The following TASP1 variants were observed in gnomAD, a reference collection of about 807,000 sequenced individuals.
TASP1 encodes taspase 1.
A neutral mutation model predicts 56.6 loss-of-function variants in TASP1; 16 were observed. The observed-to-expected ratio is 0.28, with a 90% CI of 0.19 to 0.43. The LOEUF (loss-of-function observed/expected upper bound fraction) is 0.43, where lower values mean the gene tolerates loss of function less well. Ranked by LOEUF, TASP1 falls within the 20% of genes least tolerant of loss-of-function variation. TASP1 has a pLI of 1.00. For missense variants in TASP1, 393 were observed against 511.6 expected, an observed-to-expected ratio of 0.77 and a Z score of 2.24; for synonymous variants, 179 against 184.2, an observed-to-expected ratio of 0.97 and a Z score of 0.23.
At chr20:13,527,502 A>T (rs2045027785) in intron 10 of TASP1, among the ~76,000 whole-genome samples, 1 of 152,176 alleles carries the variant, frequency 6.6e-6, no homozygotes, top group African/African-American at 2.4e-5. Flanking sequence ...ATAATGAGAA[A>T]AGGCTTCACG....
At chr20:13,374,170 A>T in the TASP1 span, among the ~76,000 whole-genome samples, 1 of 152,172 alleles carries the variant, frequency 6.6e-6, no homozygotes, top group Non-Finnish European at 1.5e-5. Context: ...AAGCATTTTT[A>T]AAAATTCTTT....
chr20:13,424,798 G>A (rs1292219075), intron 12 of TASP1, among the ~76,000 whole-genome samples: 2 of 152,148 alleles, frequency 1.3e-5, no homozygotes, highest in Non-Finnish European at 2.9e-5. Context: ...CCCAGACCAC[G>A]AAAAGATTCT....
chr20:13,555,611 G>A (rs956949935), intron 8 of TASP1, among the ~76,000 whole-genome samples: 1 of 151,978 alleles, frequency 6.6e-6, no homozygotes, highest in Non-Finnish European at 1.5e-5. Context: ...CATCCACAGC[G>A]ACTTCCTCCA....
At chr20:13,612,247 C>G (rs78607989) in intron 4 of TASP1, among the ~76,000 whole-genome samples, 4,750 of 152,236 alleles carry the variant, frequency 0.031, 105 homozygotes, top group South Asian at 0.047. Context: ...TGCATATCTT[C>G]TGATTATAAC....
the TASP1 span, among the ~76,000 whole-genome samples, chr20:13,163,094 G>A: frequency 0.24 from 35,735 of 152,036 alleles, 4,535 homozygotes; most frequent in South Asian, 0.44. Context: ...GAGGTCGGGC[G>A]CAGTGGCTCA....
chr20:13,109,594 T>C, the TASP1 span, among the ~76,000 whole-genome samples: 2 of 152,142 alleles, frequency 1.3e-5, no homozygotes, highest in Non-Finnish European at 2.9e-5. Flanking sequence ...CCAAATATTT[T>C]GAAAAAGAGG....
chr20:13,192,390 A>G, the TASP1 span, among the ~76,000 whole-genome samples: 1 of 152,174 alleles, frequency 6.6e-6, no homozygotes, highest in South Asian at 2.1e-4. Flanking sequence ...TTTAAAAAAC[A>G]TTAGCCCAGT....
chr20:13,117,971 A>T, the TASP1 span, among the ~76,000 whole-genome samples: 13 of 152,296 alleles, frequency 8.5e-5, no homozygotes, highest in South Asian at 2.7e-3. Context: ...CTGGCCGTGT[A>T]CATAAGATGC....
chr20:13,501,260 C>A (rs575250114), intron 10 of TASP1, among the ~76,000 whole-genome samples: 1 of 151,880 alleles, frequency 6.6e-6, no homozygotes, highest in Non-Finnish European at 1.5e-5. Context: ...CCAGAGAGAA[C>A]CCTGAGCTCT....
chr20:13,145,936 G>T, the TASP1 span, among the ~76,000 whole-genome samples: 2 of 152,118 alleles, frequency 1.3e-5, no homozygotes. Flanking sequence ...ATTAAATAGG[G>T]ACAAATATAA....
intron 4 of TASP1, among the ~76,000 whole-genome samples, chr20:13,610,484 G>GA (rs1048857454): frequency 2.0e-5 from 3 of 152,124 alleles, no homozygotes; most frequent in Admixed American, 6.5e-5. Flanking sequence ...TGTTCACTCT[G>GA]AAAAAAATTC....
At chr20:13,264,666 A>G in the TASP1 span, among the ~76,000 whole-genome samples, 1 of 152,238 alleles carries the variant, frequency 6.6e-6, no homozygotes, top group African/African-American at 2.4e-5. Context: ...TCACAAACAC[A>G]GCCACGATGA....
intron 4 of TASP1, among the ~76,000 whole-genome samples, chr20:13,616,293 C>G (rs2048522437): frequency 6.6e-6 from 1 of 152,028 alleles, no homozygotes; most frequent in Non-Finnish European, 1.5e-5. Context: ...TTAGGTAGCT[C>G]AAAACTGAAT....
At chr20:13,594,681 G>A (rs538139354) in intron 4 of TASP1, among the ~76,000 whole-genome samples, 1 of 152,246 alleles carries the variant, frequency 6.6e-6, no homozygotes, top group African/African-American at 2.4e-5. Context: ...AGAGAAAAAA[G>A]AGTAAAAAGA....
intron 10 of TASP1, among the ~76,000 whole-genome samples, chr20:13,528,219 C>CAAAAAAAAAAAAAAAAAAAAAAAAAAAA (rs397942980): frequency 1.8e-5 from 1 of 54,316 alleles, no homozygotes; most frequent in Non-Finnish European, 3.2e-5. Flanking sequence ...GACTCTGACT[C>CAAAAAAAAAAAAAAAAAAAAAAAAAAAA]AAAAAAAAAA....
At chr20:13,381,095 C>T in the TASP1 span, among the ~76,000 whole-genome samples, 1 of 152,108 alleles carries the variant, frequency 6.6e-6, no homozygotes, top group Non-Finnish European at 1.5e-5. Flanking sequence ...GGTTCTGTCT[C>T]GCTGGCATTC....
At chr20:13,355,906 T>A in the TASP1 span, among the ~76,000 whole-genome samples, 1 of 152,152 alleles carries the variant, frequency 6.6e-6, no homozygotes, top group Non-Finnish European at 1.5e-5. Flanking sequence ...CCTATGGAGA[T>A]TTCATAGGAC....
At chr20:13,226,722 G>A in the TASP1 span, among the ~76,000 whole-genome samples, 5 of 152,166 alleles carry the variant, frequency 3.3e-5, no homozygotes, top group African/African-American at 1.2e-4. Context: ...AAGGAGTCTA[G>A]CTCATATATC....
chr20:13,522,549 G>A (rs2044804694), intron 10 of TASP1, among the ~76,000 whole-genome samples: 1 of 152,124 alleles, frequency 6.6e-6, no homozygotes, highest in Non-Finnish European at 1.5e-5. Flanking sequence ...ACTTGCTGTG[G>A]GGAAAATATT....
Sources: gnomAD v4.1 joint callset for allele counts (sites outside exome capture counted in the v4.1 genomes callset) on GRCh38, gnomAD v4.1.1 for gene constraint, MANE v1.5 for transcripts, NCBI Gene and HGNC (gene_info 2026-07-23, HGNC 2026-07-21) for gene names.